LNPEP: variants seen among roughly 807,000 people sequenced by gnomAD.
The protein encoded by LNPEP is leucyl and cystinyl aminopeptidase, also known as leucyl-cystinyl aminopeptidase.
Under a neutral mutation model 120.6 loss-of-function variants are expected in LNPEP, and 64 were observed. That is an observed-to-expected ratio of 0.53 (90% confidence interval 0.43 to 0.65). The LOEUF (loss-of-function observed/expected upper bound fraction) is 0.65. LNPEP is among the 30% of genes least tolerant of loss of function. The pLI is 0.00. For missense variants in LNPEP, 1,057 were observed against 1,200.0 expected, an observed-to-expected ratio of 0.88 and a Z score of 1.76; for synonymous variants, 435 against 425.4, an observed-to-expected ratio of 1.02 and a Z score of -0.28.
intron 3 of LNPEP, 125 bp from the exon 4 acceptor site, chr5:96,986,414 G>C (rs1038603117): frequency 9.9e-5 from 89 of 897,176 alleles, no homozygotes; most frequent in Non-Finnish European, 1.4e-4. Context: ...AATTCATACT[G>C]AGAGGTTATA....
chr5:96,981,570 G>A (rs764890781), intron 2 of LNPEP, among the ~76,000 whole-genome samples: 10 of 152,106 alleles, frequency 6.6e-5, no homozygotes, highest in African/African-American at 9.7e-5. Flanking sequence ...AATAGTTAAC[G>A]AGTACAAGGA....
At chr5:96,982,565 G>A (rs776022534) in intron 2 of LNPEP, among the ~76,000 whole-genome samples, 1 of 152,166 alleles carries the variant, frequency 6.6e-6, no homozygotes, top group African/African-American at 2.4e-5. Context: ...GGTCTCTCTT[G>A]TATGAATAGT....
At chr5:96,990,876 A>G (rs1790374248) in intron 4 of LNPEP, among the ~76,000 whole-genome samples, 2 of 152,184 alleles carry the variant, frequency 1.3e-5, no homozygotes, top group Admixed American at 1.3e-4. Context: ...ATATGGTTGA[A>G]ACCTATTTGA....
rs558444635 is a variant in LNPEP, at chr5:97,033,349, C to T, written c.*4816C>T. 1 of 152,280 alleles carries T rather than the reference C, an allele frequency of 6.6e-6. No homozygotes were observed. Among genetic ancestry groups the T allele is most frequent in the South Asian group, 2.1e-4 (1 of 4,822 alleles). The allele number at this position is 152,280 out of a possible 1,614,324, so 9.4% of individuals were successfully genotyped here. A position where few individuals can be genotyped will look rare whatever the true frequency, so the allele number is the denominator to read the frequency against. ...TTAATGTATATACATGTTTTTACTA[C>T]TACATTGTATTAATTCATCGGGTGC... On this transcript the variant is annotated 3_prime_UTR_variant, in exon 18 of 18. Coordinates refer to ENST00000231368, the MANE Select transcript of LNPEP (RefSeq NM_005575.3).
At chr5:96,949,465 C>G (rs1292786985) in intron 1 of LNPEP, among the ~76,000 whole-genome samples, 4 of 152,170 alleles carry the variant, frequency 2.6e-5, no homozygotes, top group Non-Finnish European at 2.9e-5. Flanking sequence ...AACCATCATC[C>G]CTTCATGCTC....
At chr5:97,026,507 C>T (rs1207881516) in intron 15 of LNPEP, 110 bp from the exon 16 acceptor site, 3 of 794,912 alleles carry the variant, frequency 3.8e-6, no homozygotes, top group African/African-American at 1.7e-5. Flanking sequence ...AGTTATTTCT[C>T]AATTTGCTAC....
intron 8 of LNPEP, 108 bp downstream of exon 8, chr5:96,998,253 A>G (rs1790563236): frequency 1.1e-6 from 1 of 885,988 alleles, no homozygotes; most frequent in Admixed American, 3.2e-5. Flanking sequence ...AATGTTTTTC[A>G]GGTATTAATG....
chr5:96,971,345 TTGTGTGTGTGTGTGTGTGTGTGTG>T (rs3076561), intron 1 of LNPEP, among the ~76,000 whole-genome samples: 2 of 142,920 alleles, frequency 1.4e-5, no homozygotes, highest in South Asian at 2.2e-4. Context: ...ACATTATTAT[TTGTGTGTGTGTGTGTGTGTGTGTG>T]TGTGTGTGTG....
chr5:96,944,049 T>G (rs1407826402), intron 1 of LNPEP, among the ~76,000 whole-genome samples: 1 of 152,134 alleles, frequency 6.6e-6, no homozygotes, highest in East Asian at 1.9e-4. Flanking sequence ...TGTGCTCCCT[T>G]CCTCTTGCAG....
intron 4 of LNPEP, among the ~76,000 whole-genome samples, chr5:96,990,306 G>T (rs1252483158): frequency 6.6e-6 from 1 of 152,184 alleles, no homozygotes; most frequent in Non-Finnish European, 1.5e-5. Context: ...AATTCAGTAA[G>T]CTGTGGTCAC....
intron 1 of LNPEP, among the ~76,000 whole-genome samples, chr5:96,969,253 CT>C (rs200779297): frequency 0.016 from 2,299 of 141,674 alleles, 39 homozygotes; most frequent in East Asian, 0.076. Context: ...AGAATGCTTG[CT>C]TTTTTTTTTT....
At chr5:97,011,215 GTTTCTTTTC>G in intron 11 of LNPEP, 2 of 984,654 alleles carry the variant, frequency 2.0e-6, no homozygotes, top group Non-Finnish European at 2.4e-6. Context: ...TTCTGGGGTT[GTTTCTTTTC>G]TTTACGTTTG....
intron 11 of LNPEP, chr5:97,010,891 TCAGAAGAACTGAAA>T: frequency 1.0e-6 from 1 of 985,314 alleles, no homozygotes; most frequent in South Asian, 4.7e-5. Context: ...TCTGGATCAT[TCAGAAGAACTGAAA>T]GAGACTAATG....
chr5:96,959,044 T>A (rs551629079), intron 1 of LNPEP, among the ~76,000 whole-genome samples: 1 of 152,260 alleles, frequency 6.6e-6, no homozygotes. Context: ...CAGGATGGTC[T>A]TGATCTCTTG....
At chr5:97,007,955 T>C (rs1317102849) in intron 11 of LNPEP, among the ~76,000 whole-genome samples, 1 of 152,216 alleles carries the variant, frequency 6.6e-6, no homozygotes, top group Admixed American at 6.5e-5. Context: ...CATTGCAGTT[T>C]TACCATAGTG....
chr5:96,991,156 T>TAC (rs2112624606), intron 4 of LNPEP, among the ~76,000 whole-genome samples: 2 of 152,320 alleles, frequency 1.3e-5, no homozygotes, highest in South Asian at 4.1e-4. Context: ...AGAACATACA[T>TAC]ACGATGTCTG....
At chr5:96,995,621 T>C (rs1790498237) in intron 6 of LNPEP, among the ~76,000 whole-genome samples, 1 of 152,052 alleles carries the variant, frequency 6.6e-6, no homozygotes, top group Non-Finnish European at 1.5e-5. Flanking sequence ...TTTGAACTCT[T>C]AGGCTCAACT....
intron 11 of LNPEP, chr5:97,010,271 C>A: frequency 1.0e-6 from 1 of 967,782 alleles, no homozygotes; most frequent in Non-Finnish European, 1.2e-6. Context: ...CGTATTAAAT[C>A]TAATGCAAAA....
intron 1 of LNPEP, among the ~76,000 whole-genome samples, chr5:96,976,098 A>T (rs930804738): frequency 4.6e-5 from 7 of 152,170 alleles, no homozygotes; most frequent in African/African-American, 1.7e-4. Flanking sequence ...TTACAATTTA[A>T]TGCCAAAATC....
Sources: gnomAD v4.1 joint callset for allele counts (sites outside exome capture counted in the v4.1 genomes callset) on GRCh38, gnomAD v4.1.1 for gene constraint, MANE v1.5 for transcripts, NCBI Gene and HGNC (gene_info 2026-07-23, HGNC 2026-07-21) for gene names.